The following TMEM132D variants were observed in gnomAD, a reference collection of about 807,000 sequenced individuals.
The protein encoded by TMEM132D is transmembrane protein 132D.
Under a neutral mutation model 62.3 loss-of-function variants are expected in TMEM132D, and 21 were observed. The ratio of observed to expected loss-of-function variants is 0.34; its 90% CI spans 0.24 to 0.49. The LOEUF is 0.49. Among genes scored for constraint, TMEM132D ranks in the 20% least tolerant of loss-of-function variants. The pLI is 0.99. For missense variants in TMEM132D, 1,346 were observed against 1,402.8 expected (o/e 0.96, Z 0.65); for synonymous variants, 621 against 575.6 (o/e 1.08, Z -1.13).
chr12:129,106,884 T>C (rs998309837), intron 5 of TMEM132D, among the ~76,000 whole-genome samples: 6 of 152,196 alleles, frequency 3.9e-5, no homozygotes, highest in Middle Eastern at 3.2e-3. Flanking sequence ...CGTCACTGCA[T>C]GGGGAATGCC....
In TMEM132D at chr12:129,762,998, T is replaced by C. The variant is rs1870434467; in HGVS notation, c.80-62300A>G. On this transcript the variant is annotated intron_variant, in intron 1 of 8. Coordinates refer to ENST00000422113, the MANE Select transcript of TMEM132D (RefSeq NM_133448.3). ...GCTCAGCGCTCCACGGCACCTTTTC[T>C]AATATTTGCATGTAAAAGGAGAAAT... Among the ~76,000 whole-genome samples the C allele has an allele frequency of 2.0e-5, 3 of 152,218 alleles. No individual in the cohort carries two copies. The South Asian group carries it at 6.2e-4, about 31-fold the overall frequency.
intron 1 of TMEM132D, among the ~76,000 whole-genome samples, chr12:129,805,090 C>G (rs1030964811): frequency 6.7e-6 from 1 of 149,208 alleles, no homozygotes; most frequent in African/African-American, 2.5e-5. Context: ...TAGGAAGAAT[C>G]AATATCGTGA....
intron 3 of TMEM132D, among the ~76,000 whole-genome samples, chr12:129,474,747 C>T (rs1874209781): frequency 6.6e-6 from 1 of 152,148 alleles, no homozygotes; most frequent in African/African-American, 2.4e-5. Flanking sequence ...GAGGGCTCTA[C>T]ATGTTCAGTC....
intron 3 of TMEM132D, among the ~76,000 whole-genome samples, chr12:129,459,935 G>A (rs1367126700): frequency 6.6e-6 from 1 of 152,180 alleles, no homozygotes; most frequent in Non-Finnish European, 1.5e-5. Context: ...AGAACTGGGT[G>A]TCAAAATTGC....
intron 3 of TMEM132D, among the ~76,000 whole-genome samples, chr12:129,442,332 C>T (rs761922334): frequency 1.4e-4 from 21 of 152,152 alleles, no homozygotes; most frequent in Non-Finnish European, 2.2e-4. Context: ...TACATCTACC[C>T]AGGTAATTAG....
chr12:129,223,658 C>G (rs562684690), intron 4 of TMEM132D, among the ~76,000 whole-genome samples: 1 of 152,188 alleles, frequency 6.6e-6, no homozygotes. Flanking sequence ...CCCCGCCTCC[C>G]GCTTTGCAAG....
intron 1 of TMEM132D, among the ~76,000 whole-genome samples, chr12:129,785,047 A>G (rs1218933671): frequency 6.6e-6 from 1 of 152,218 alleles, no homozygotes; most frequent in Non-Finnish European, 1.5e-5. Context: ...CCATCGACAT[A>G]TCATGAACTT....
At chr12:129,404,594 A>C (rs1871720994) in intron 3 of TMEM132D, among the ~76,000 whole-genome samples, 1 of 152,020 alleles carries the variant, frequency 6.6e-6, no homozygotes, top group Non-Finnish European at 1.5e-5. Flanking sequence ...CCTGTGGAGG[A>C]CTCGGGAAGC....
At chr12:129,859,930 C>T (rs191953988) in intron 1 of TMEM132D, among the ~76,000 whole-genome samples, 2 of 152,320 alleles carry the variant, frequency 1.3e-5, no homozygotes, top group African/African-American at 2.4e-5. Context: ...TGCCTTGGAT[C>T]TTGCGAGTCA....
chr12:129,876,334 A>G (rs891234004), intron 1 of TMEM132D, among the ~76,000 whole-genome samples: 1 of 152,218 alleles, frequency 6.6e-6, no homozygotes, highest in Admixed American at 6.5e-5. Flanking sequence ...ACAAAGTCCA[A>G]AAGAAAGAAC....
chr12:129,890,681 T>C (rs565500425), intron 1 of TMEM132D, among the ~76,000 whole-genome samples: 5 of 152,228 alleles, frequency 3.3e-5, no homozygotes, highest in Non-Finnish European at 5.9e-5. Flanking sequence ...AGCTGTATTA[T>C]ACAGCTTGCC....
At chr12:129,530,094 G>A (rs1369904334) in intron 3 of TMEM132D, among the ~76,000 whole-genome samples, 3 of 152,014 alleles carry the variant, frequency 2.0e-5, no homozygotes, top group Non-Finnish European at 4.4e-5. Context: ...AACCAACATC[G>A]AGCAAAGAAG....
At chr12:129,797,647 A>G (rs956350740) in intron 1 of TMEM132D, among the ~76,000 whole-genome samples, 1 of 152,188 alleles carries the variant, frequency 6.6e-6, no homozygotes, top group African/African-American at 2.4e-5. Flanking sequence ...GGAAATCCAC[A>G]GTCTTCCTGT....
intron 2 of TMEM132D, among the ~76,000 whole-genome samples, chr12:129,615,309 C>T (rs748687460): frequency 1.3e-5 from 2 of 152,242 alleles, no homozygotes; most frequent in Non-Finnish European, 1.5e-5. Context: ...GATGAATCTT[C>T]CGTCAAGCTC....
At chr12:129,896,696 G>C (rs1449158481) in intron 1 of TMEM132D, among the ~76,000 whole-genome samples, 1 of 152,124 alleles carries the variant, frequency 6.6e-6, no homozygotes, top group Non-Finnish European at 1.5e-5. Context: ...CTTTCCAAAT[G>C]TACATCTGAA....
intron 5 of TMEM132D, among the ~76,000 whole-genome samples, chr12:129,092,896 G>A (rs1371128705): frequency 6.6e-6 from 1 of 152,154 alleles, no homozygotes; most frequent in African/African-American, 2.4e-5. Context: ...GCCATGAGGG[G>A]CCTGCCACAC....
At chr12:129,811,038 C>T (rs528118008) in intron 1 of TMEM132D, among the ~76,000 whole-genome samples, 1 of 151,832 alleles carries the variant, frequency 6.6e-6, no homozygotes, top group African/African-American at 2.4e-5. Flanking sequence ...AAAACCATAA[C>T]CAGTTATAAA....
intron 1 of TMEM132D, among the ~76,000 whole-genome samples, chr12:129,770,925 G>T (rs1478011415): frequency 1.3e-5 from 2 of 152,208 alleles, no homozygotes; most frequent in South Asian, 4.1e-4. Context: ...CGTAAGCCGA[G>T]GACTGTCTGT....
chr12:129,591,030 G>C (rs576012630), intron 2 of TMEM132D, among the ~76,000 whole-genome samples: 3 of 152,144 alleles, frequency 2.0e-5, no homozygotes, highest in Non-Finnish European at 4.4e-5. Flanking sequence ...GAAAGAAAAA[G>C]AATATTGAAG....
Sources: allele counts gnomAD v4.1 joint callset (sites outside exome capture counted in the v4.1 genomes callset), GRCh38; gene constraint gnomAD v4.1.1; transcripts MANE v1.5; gene names NCBI Gene and HGNC (gene_info 2026-07-23, HGNC 2026-07-21).